Variants in ATP8A1 observed in about 807,000 individuals in gnomAD.
ATP8A1 encodes the protein phospholipid-transporting ATPase IA.
A neutral mutation model predicts 177.7 loss-of-function variants in ATP8A1; 90 were observed. The observed-to-expected ratio is 0.51, with a 90% CI of 0.43 to 0.60. The LOEUF is 0.60. ATP8A1 is among the 20% of genes least tolerant of loss of function. The pLI is 0.00. For synonymous variants in ATP8A1, 493 were observed against 485.9 expected, an observed-to-expected ratio of 1.01 and a Z score of -0.19; for missense variants, 1,072 against 1,392.8, an observed-to-expected ratio of 0.77 and a Z score of 3.67.
chr4:42,547,203 A>G (rs904998752), intron 19 of ATP8A1, among the ~76,000 whole-genome samples: 16 of 152,168 alleles, frequency 1.1e-4, no homozygotes, highest in African/African-American at 3.9e-4. Flanking sequence ...CCATCTGTGT[A>G]AATGGTACCT....
intron 25 of ATP8A1, among the ~76,000 whole-genome samples, chr4:42,476,035 A>G (rs1721025751): frequency 6.6e-6 from 1 of 151,934 alleles, no homozygotes; most frequent in South Asian, 2.1e-4. Flanking sequence ...GTGAGACTCC[A>G]TCTCAAAAAA....
Position 42,412,980 on chromosome 4 carries a change from AT to A in ATP8A1, c.3430del (p.Ile1144SerfsTer7). On this transcript the variant is annotated frameshift_variant, in exon 37 of 37. Transcript: ENST00000381668. LOFTEE classifies it high-confidence loss of function. ...GYAFSQDENG[I>X]VSQSEVIRAY... is the part of the protein sequence containing the mutation. The stretch of plus-strand genomic sequence containing the variant: ...TCTTATCACTTCAGACTGTGAAACG[AT>A]TCCATTTTCATCTTGAGAGAACGCA... The A allele has an allele frequency of 1.9e-6, 3 of 1,613,460 alleles. No homozygotes were observed. Among genetic ancestry groups the A allele is most frequent in the Non-Finnish European group, 2.5e-6 (3 of 1,179,586 alleles).
chr4:42,481,892 A>C (rs935795676), intron 25 of ATP8A1, among the ~76,000 whole-genome samples: 2 of 152,206 alleles, frequency 1.3e-5, no homozygotes, highest in Non-Finnish European at 2.9e-5. Context: ...AAGAACCATA[A>C]AGGAGCAGTT....
intron 4 of ATP8A1, among the ~76,000 whole-genome samples, chr4:42,622,574 C>CA (rs1416906397): frequency 6.7e-6 from 1 of 149,242 alleles, no homozygotes; most frequent in Non-Finnish European, 1.5e-5. Flanking sequence ...TTTTGCACAG[C>CA]AAAAAAGAAA....
intron 24 of ATP8A1, among the ~76,000 whole-genome samples, chr4:42,499,076 G>T (rs758296009): frequency 2.0e-5 from 3 of 152,138 alleles, no homozygotes; most frequent in African/African-American, 4.8e-5. Context: ...TTTCCTGCAG[G>T]ATCCAAACAC....
At chr4:42,478,564 A>AC (rs952812728) in intron 25 of ATP8A1, among the ~76,000 whole-genome samples, 75 of 121,446 alleles carry the variant, frequency 6.2e-4, no homozygotes, top group Admixed American at 7.9e-4. Context: ...ATACACACAC[A>AC]AAAAAAAAAC....
intron 14 of ATP8A1, among the ~76,000 whole-genome samples, chr4:42,572,849 A>G (rs1011650876): frequency 2.6e-5 from 4 of 152,230 alleles, no homozygotes; most frequent in African/African-American, 9.6e-5. Context: ...CTAGGATTAC[A>G]TGGTAAATTC....
intron 30 of ATP8A1, among the ~76,000 whole-genome samples, chr4:42,449,293 T>C (rs1221107806): frequency 6.6e-6 from 1 of 152,244 alleles, no homozygotes. Flanking sequence ...TACAAAATAT[T>C]ATTAAGATGG....
intron 21 of ATP8A1, 142 bp from the exon 22 acceptor site, chr4:42,522,441 CA>C (rs1275813209): frequency 1.0e-6 from 1 of 989,566 alleles, no homozygotes; most frequent in Admixed American, 2.8e-5. Context: ...TAAATTATGA[CA>C]AAAACTTAGT....
chr4:42,438,786 C>G (rs1716286366), intron 33 of ATP8A1, among the ~76,000 whole-genome samples: 1 of 152,102 alleles, frequency 6.6e-6, no homozygotes, highest in Admixed American at 6.6e-5. Context: ...TAGCAGAAAC[C>G]AATGGGATTG....
At chr4:42,530,982 CAAT>C (rs765500054) in intron 20 of ATP8A1, among the ~76,000 whole-genome samples, 5 of 152,186 alleles carry the variant, frequency 3.3e-5, no homozygotes, top group Admixed American at 6.5e-5. Flanking sequence ...GGAGACACAA[CAAT>C]GATTCAATTA....
chr4:42,575,386 G>A lies in ATP8A1; in HGVS notation c.1206+236C>T, dbSNP rs114900713. Among the ~76,000 whole-genome samples the A allele has an allele frequency of 1.2e-3, 183 of 152,272 alleles. 1 individual carries two copies. Among genetic ancestry groups the A allele is most frequent in the African/African-American group, 4.2e-3 (175 of 41,548 alleles). The stretch of plus-strand genomic sequence containing the variant: ...GCATACTAGCTTGACTATATACCAA[G>A]GGACATCTCGAAGCTCTTGGAGTGC... On this transcript the variant is annotated intron_variant, in intron 13 of 36. Transcript: ENST00000381668.
rs1212281656 is a variant in ATP8A1, at chr4:42,410,739, GA to G, written c.*2176del. 2.0e-5 allele frequency: 3 copies of G among 152,092 alleles called. No homozygotes were observed. The highest frequency in any genetic ancestry group is 7.2e-5 in the African/African-American group (3 of 41,420). The allele number at this position is 152,092 out of a possible 1,614,324, so 9.4% of individuals were successfully genotyped here. A position where few individuals can be genotyped will look rare whatever the true frequency, so the allele number is the denominator to read the frequency against. On this transcript the variant is annotated 3_prime_UTR_variant, in exon 37 of 37. Transcript: ENST00000381668. ...TCTTCTCATGTTTAAGAGCTCCACA[GA>G]AACAATCCACGTTTCAAGATTAAAA...
Position 42,413,026 on chromosome 4 carries a change from G to T in ATP8A1, c.3398-13C>A. Reference sequence around the variant, plus strand: ...AACGCATACCCATCTGTAGGTTAATGATAAAACAGAAATTCTCACAAAGGC... The same window carrying T: ...AACGCATACCCATCTGTAGGTTAATTATAAAACAGAAATTCTCACAAAGGC... On this transcript the variant is annotated splice_polypyrimidine_tract_variant and intron_variant, in intron 36 of 36. Coordinates refer to ENST00000381668, the MANE Select transcript of ATP8A1 (RefSeq NM_006095.2). The T allele has an allele frequency of 6.2e-7, 1 of 1,607,946 alleles. No individual in the cohort carries two copies. The highest frequency in any genetic ancestry group is 1.1e-5 in the South Asian group (1 of 90,688).
chr4:42,444,620 A>G lies in ATP8A1; in HGVS notation c.2973T>C (p.Thr991=). 6.2e-7 allele frequency: 1 copy of G among 1,614,026 alleles called. No homozygotes were observed. Among genetic ancestry groups the G allele is most frequent in the Non-Finnish European group, 8.5e-7 (1 of 1,179,928 alleles). ...TCTCCAATCCAGCTTTCAAACACAC[A>G]GTTATCACCACAAACTAAAACAGAA... ...GNFVYTFVVI[T]VCLKAGLETS... is the part of the protein sequence containing the mutation. The change falls in exon 32 of 37, where the codon ACT becomes ACC. Residue 991 remains threonine (T), a synonymous_variant. Transcript: ENST00000381668.
Position 42,579,082 on chromosome 4 carries a change from G to A in ATP8A1, c.1001-695C>T, listed in dbSNP as rs1284514844. The stretch of plus-strand genomic sequence containing the variant: ...TACTAGAATTTGCTTTCACACTTTT[G>A]GAAGTTAAGTCTTTATTGGCTAAGT... On this transcript the variant is annotated intron_variant, in intron 11 of 36. Coordinates refer to ENST00000381668, the MANE Select transcript of ATP8A1 (RefSeq NM_006095.2). 2.0e-5 allele frequency among the ~76,000 whole-genome samples: 3 copies of A among 151,990 alleles called. No individual in the cohort carries two copies. The East Asian group carries it at 5.8e-4, about 29-fold the overall frequency.
intron 25 of ATP8A1, among the ~76,000 whole-genome samples, chr4:42,470,254 G>A (rs1438393513): frequency 2.0e-5 from 3 of 152,070 alleles, no homozygotes; most frequent in African/African-American, 2.4e-5. Flanking sequence ...ATATTATTTT[G>A]GCTGTAGTTT....
At chr4:42,576,507 G>A (rs369416310) in intron 12 of ATP8A1, among the ~76,000 whole-genome samples, 1,601 of 58,248 alleles carry the variant, frequency 0.027, 17 homozygotes, top group African/African-American at 0.061. Flanking sequence ...AAAAAAAAAA[G>A]AGCATAGTTT....
intron 23 of ATP8A1, among the ~76,000 whole-genome samples, chr4:42,506,408 C>T (rs1724369968): frequency 6.6e-6 from 1 of 152,192 alleles, no homozygotes; most frequent in Non-Finnish European, 1.5e-5. Flanking sequence ...TAACCTTGGG[C>T]TTCTCAGCCT....
Sources: gnomAD v4.1 joint callset for allele counts (sites outside exome capture counted in the v4.1 genomes callset) on GRCh38, gnomAD v4.1.1 for gene constraint, MANE v1.5 for transcripts, NCBI Gene and HGNC (gene_info 2026-07-23, HGNC 2026-07-21) for gene names.